ADAMTS3: variants seen among roughly 807,000 people sequenced by gnomAD.
The protein encoded by ADAMTS3 is ADAM metallopeptidase with thrombospondin type 1 motif 3.
A neutral mutation model predicts 129.0 loss-of-function variants in ADAMTS3; 73 were observed. The ratio of observed to expected loss-of-function variants is 0.57; its 90% CI spans 0.47 to 0.69. The LOEUF (loss-of-function observed/expected upper bound fraction) is 0.69, where lower values mean the gene tolerates loss of function less well. Ranked by LOEUF, ADAMTS3 falls within the 30% of genes least tolerant of loss-of-function variation. ADAMTS3 has a pLI of 0.00. For synonymous variants in ADAMTS3, 477 were observed against 510.8 expected (o/e 0.93, Z 0.89); for missense variants, 1,457 against 1,514.5 (o/e 0.96, Z 0.63).
At chr4:72,541,387 T>G (rs1721319625) in intron 3 of ADAMTS3, among the ~76,000 whole-genome samples, 1 of 152,182 alleles carries the variant, frequency 6.6e-6, no homozygotes, top group Non-Finnish European at 1.5e-5. Context: ...GGCTCATAGG[T>G]GGAAGGGACT....
intron 5 of ADAMTS3, among the ~76,000 whole-genome samples, chr4:72,323,419 G>T (rs1328622161): frequency 6.6e-6 from 1 of 152,198 alleles, no homozygotes; most frequent in Non-Finnish European, 1.5e-5. Flanking sequence ...GCAACCACAG[G>T]AGGGTAACTT....
chr4:72,560,539 C>T (rs898886231), intron 2 of ADAMTS3, among the ~76,000 whole-genome samples: 1 of 152,146 alleles, frequency 6.6e-6, no homozygotes, highest in African/African-American at 2.4e-5. Context: ...TTTGCAGGAA[C>T]ATGGATGGAG....
At chr4:72,568,303 A>G (rs1722073386) in intron 1 of ADAMTS3, among the ~76,000 whole-genome samples, 1 of 152,222 alleles carries the variant, frequency 6.6e-6, no homozygotes, top group Non-Finnish European at 1.5e-5. Flanking sequence ...GGCAGCAGCC[A>G]GAGCGCTGGG....
chr4:72,313,815 T>C lies in ADAMTS3; in HGVS notation c.1607A>G (p.Tyr536Cys), dbSNP rs143059623. ...ATTCTTCCACATGCAATGACCCTTA[T>C]AGCACCACTTAGAAAAATGACAAAA... ...GTECAAGKWC[Y>C]KGHCMWKNAN... is the part of the protein sequence containing the mutation. Residue 536 changes from tyrosine (Y) to cysteine (C), a missense_variant, in exon 12 of 22, where the codon TAT becomes TGT. By Grantham distance (194) the Tyr-to-Cys change is radical. Coordinates refer to ENST00000286657, the MANE Select transcript of ADAMTS3 (RefSeq NM_014243.3). 5.0e-6 allele frequency: 8 copies of C among 1,613,518 alleles called. No homozygotes were observed. The highest frequency in any genetic ancestry group is 1.3e-5 in the African/African-American group (1 of 74,888).
At chr4:72,460,269 G>T (rs1718731357) in intron 3 of ADAMTS3, among the ~76,000 whole-genome samples, 1 of 151,288 alleles carries the variant, frequency 6.6e-6, no homozygotes, top group Non-Finnish European at 1.5e-5. Flanking sequence ...TTACTTTTTT[G>T]GAGAGTAATG....
At chr4:72,551,305 G>A (rs67546436) in intron 2 of ADAMTS3, among the ~76,000 whole-genome samples, 43,023 of 151,970 alleles carry the variant, frequency 0.28, 6,224 homozygotes, top group East Asian at 0.41. Context: ...CCATACCCAA[G>A]AGGATACTCA....
chr4:72,308,276 A>G (rs868390614), intron 15 of ADAMTS3, among the ~76,000 whole-genome samples: 7 of 151,976 alleles, frequency 4.6e-5, no homozygotes, highest in African/African-American at 1.2e-4. Context: ...GGTAATTTAT[A>G]ACACAGGAAT....
intron 4 of ADAMTS3, among the ~76,000 whole-genome samples, chr4:72,407,087 A>G (rs1044210187): frequency 1.3e-5 from 2 of 152,174 alleles, no homozygotes; most frequent in Non-Finnish European, 1.5e-5. Context: ...TTAACTTAAT[A>G]CCTTCTTTAA....
intron 3 of ADAMTS3, among the ~76,000 whole-genome samples, chr4:72,546,007 C>A (rs1391573339): frequency 5.3e-5 from 8 of 152,174 alleles, no homozygotes; most frequent in Admixed American, 3.9e-4. Context: ...TTAAAAAGTG[C>A]CTCTGCAGCT....
At position 72,398,647 on chromosome 4, in the gene ADAMTS3, G is replaced by T. The variant is rs112996378; in HGVS notation, c.661+16168C>A. On this transcript the variant is annotated intron_variant, in intron 4 of 21. Coordinates refer to ENST00000286657, the MANE Select transcript of ADAMTS3 (RefSeq NM_014243.3). ...GGATGAAAGGACCCAAATTCAACCA[G>T]ATATTTATGAAGACAAAGGACACTT... Among the ~76,000 whole-genome samples the T allele has an allele frequency of 2.2e-3, 332 of 152,224 alleles. 2 individuals carry two copies. Among genetic ancestry groups the T allele is most frequent in the African/African-American group, 7.7e-3 (318 of 41,534 alleles).
At chr4:72,371,396 T>TA (rs141958209) in intron 4 of ADAMTS3, among the ~76,000 whole-genome samples, 1 of 150,602 alleles carries the variant, frequency 6.6e-6, no homozygotes, top group Non-Finnish European at 1.5e-5. Flanking sequence ...ATGCAAAAGA[T>TA]AAAAAATGAA....
At chr4:72,405,390 TA>T (rs1186321743) in intron 4 of ADAMTS3, among the ~76,000 whole-genome samples, 1 of 151,992 alleles carries the variant, frequency 6.6e-6, no homozygotes, top group East Asian at 1.9e-4. Flanking sequence ...TAAGCATTCT[TA>T]ACACAATATA....
At chr4:72,397,631 A>C (rs1721760376) in intron 4 of ADAMTS3, among the ~76,000 whole-genome samples, 1 of 152,062 alleles carries the variant, frequency 6.6e-6, no homozygotes. Flanking sequence ...TGGCTGTCGT[A>C]AGACAGGAAA....
At chr4:72,288,215 T>A (rs952157203) in intron 21 of ADAMTS3, among the ~76,000 whole-genome samples, 1 of 152,180 alleles carries the variant, frequency 6.6e-6, no homozygotes, top group South Asian at 2.1e-4. Flanking sequence ...GAAAATATAC[T>A]CTGCTTTTGC....
At chr4:72,329,120 T>C (rs1719773222) in intron 5 of ADAMTS3, among the ~76,000 whole-genome samples, 1 of 152,146 alleles carries the variant, frequency 6.6e-6, no homozygotes, top group African/African-American at 2.4e-5. Flanking sequence ...GAATAGTCAA[T>C]ACCTTTGAGT....
intron 3 of ADAMTS3, among the ~76,000 whole-genome samples, chr4:72,541,823 T>C (rs904704206): frequency 2.0e-5 from 3 of 152,272 alleles, no homozygotes; most frequent in Admixed American, 2.0e-4. Flanking sequence ...GAACTGTGAG[T>C]CCATTAGTTT....
chr4:72,392,996 G>A (rs1335241389), intron 4 of ADAMTS3, among the ~76,000 whole-genome samples: 4 of 149,382 alleles, frequency 2.7e-5, no homozygotes, highest in Non-Finnish European at 4.4e-5. Flanking sequence ...CGCAATCTCA[G>A]CTCACTACAA....
At chr4:72,560,689 G>T (rs1721881301) in intron 2 of ADAMTS3, among the ~76,000 whole-genome samples, 1 of 152,120 alleles carries the variant, frequency 6.6e-6, no homozygotes, top group South Asian at 2.1e-4. Context: ...CCATTGAGGG[G>T]TGGGGTGGAG....
chr4:72,373,323 A>G (rs1721057950), intron 4 of ADAMTS3, among the ~76,000 whole-genome samples: 1 of 152,158 alleles, frequency 6.6e-6, no homozygotes. Flanking sequence ...ACAAGGTGAG[A>G]CTGCCACGCA....
Sources: allele counts gnomAD v4.1 joint callset (sites outside exome capture counted in the v4.1 genomes callset), GRCh38; gene constraint gnomAD v4.1.1; transcripts MANE v1.5; gene names NCBI Gene and HGNC (gene_info 2026-07-23, HGNC 2026-07-21).